LSG1: variants seen among roughly 807,000 people sequenced by gnomAD.
LSG1 encodes large 60S subunit nuclear export GTPase 1.
LSG1 carries 55 observed loss-of-function variants against 82.6 expected under a neutral mutation model. That is an observed-to-expected ratio of 0.67 (90% CI 0.54 to 0.83). LSG1 has a LOEUF of 0.83. LSG1 is among the 40% of genes least tolerant of loss of function. The pLI, the probability that LSG1 is intolerant of heterozygous loss-of-function variation, is 0.00. For synonymous variants in LSG1, 272 were observed against 282.5 expected (o/e 0.96, Z 0.37); for missense variants, 809 against 807.9 (o/e 1.00, Z -0.02).
rs947672339 is a variant in LSG1, at chr3:194,646,461, C to T, written c.1544-218G>A. ...ATCCTAAAAATGCCACCTAGCACCA[C>T]GCTATGAAAGACAAATTCGATTTCT... On this transcript the variant is annotated intron_variant, in intron 11 of 13. Transcript: ENST00000265245. 5 of 408,420 alleles carry T rather than the reference C, an allele frequency of 1.2e-5. No homozygotes were observed. The South Asian group carries it at 1.5e-4, about 12-fold the overall frequency. The allele number at this position is 408,420 out of a possible 1,614,324, so 25.3% of individuals were successfully genotyped here.
intron 13 of LSG1, among the ~76,000 whole-genome samples, chr3:194,643,502 C>T (rs1001055410): frequency 5.3e-5 from 8 of 152,042 alleles, no homozygotes; most frequent in South Asian, 4.2e-4. Flanking sequence ...TAATGCAATA[C>T]GTCACATGTA....
intron 5 of LSG1, 120 bp from the exon 6 acceptor site, chr3:194,660,253 T>A: frequency 1.3e-6 from 1 of 771,878 alleles, no homozygotes; most frequent in South Asian, 1.5e-5. Context: ...ATATATTAAC[T>A]TTTTAAGGTA....
intron 13 of LSG1, among the ~76,000 whole-genome samples, chr3:194,642,595 T>TA (rs533820809): frequency 0.019 from 2,809 of 148,388 alleles, 77 homozygotes; most frequent in African/African-American, 0.064. Context: ...GTTTACTTAG[T>TA]AAAAAAAAAA....
chr3:194,658,398 C>T (rs1311270735), intron 7 of LSG1, among the ~76,000 whole-genome samples: 1 of 152,168 alleles, frequency 6.6e-6, no homozygotes, highest in African/African-American at 2.4e-5. Context: ...CTGCCCCTCT[C>T]GGCTTCCCAA....
chr3:194,671,342 T>A (rs7651926), intron 1 of LSG1, among the ~76,000 whole-genome samples: 4,889 of 152,302 alleles, frequency 0.032, 97 homozygotes, highest in African/African-American at 0.047. Flanking sequence ...CACTCCATGC[T>A]GTTTACTCTG....
chr3:194,659,569 C>T (rs993689929), intron 6 of LSG1, among the ~76,000 whole-genome samples: 12 of 152,104 alleles, frequency 7.9e-5, no homozygotes, highest in African/African-American at 2.7e-4. Flanking sequence ...ACATATTATA[C>T]AATGTTTTGT....
At chr3:194,658,789 A>G (rs932987059) in intron 7 of LSG1, among the ~76,000 whole-genome samples, 168 bp downstream of exon 7, 2 of 152,256 alleles carry the variant, frequency 1.3e-5, no homozygotes, top group African/African-American at 2.4e-5. Flanking sequence ...CCACAGAGAA[A>G]GTAACTTTGT....
intron 5 of LSG1, among the ~76,000 whole-genome samples, chr3:194,661,083 CT>C (rs1181198596): frequency 6.6e-6 from 1 of 152,150 alleles, no homozygotes; most frequent in Non-Finnish European, 1.5e-5. Flanking sequence ...TGCAAATATG[CT>C]AAATTCCAAG....
intron 10 of LSG1, among the ~76,000 whole-genome samples, chr3:194,650,506 T>C (rs1298547636): frequency 6.6e-6 from 1 of 152,232 alleles, no homozygotes; most frequent in Non-Finnish European, 1.5e-5. Context: ...GTATTCAATA[T>C]ATGTTAGCTA....
At chr3:194,651,923 T>G (rs984783050) in intron 8 of LSG1, among the ~76,000 whole-genome samples, 1 of 152,184 alleles carries the variant, frequency 6.6e-6, no homozygotes, top group East Asian at 1.9e-4. Context: ...TTTTAACTAC[T>G]GCACTAAAAT....
In LSG1 at chr3:194,663,763, C is replaced by T. The variant is rs111392344; in HGVS notation, c.521+1794G>A. 4.7e-3 allele frequency among the ~76,000 whole-genome samples: 501 copies of T among 105,566 alleles called. 28 individuals are homozygous for T. Among genetic ancestry groups the T allele is most frequent in the Middle Eastern group, 0.014 (3 of 222 alleles). The allele number at this position is 105,566 out of a possible 152,430, so 69.3% of individuals were successfully genotyped here. A position where few individuals can be genotyped will look rare whatever the true frequency, so the allele number is the denominator to read the frequency against. On this transcript the variant is annotated intron_variant, in intron 5 of 13. Transcript: ENST00000265245. ...CTCAGAGAAAGCCTTTCCCTTCTTC[C>T]GCCTCAGAGAAAGCCTTTCCCTTCT... is the stretch of plus-strand genomic sequence containing the variant.
At position 194,652,711 on chromosome 3, in the gene LSG1, T is replaced by C. The variant is rs1484232969; in HGVS notation, c.1173+18A>G. 6 of 1,601,606 alleles carry C rather than the reference T, an allele frequency of 3.7e-6. No individual in the cohort carries two copies. The highest frequency in any genetic ancestry group is 2.2e-5 in the East Asian group (1 of 44,684). The stretch of plus-strand genomic sequence containing the variant: ...AGACAATCACGTGGTAACAATGTTA[T>C]GACATATGTCATCTTACCAGTCCGA... On this transcript the variant is annotated intron_variant, in intron 8 of 13. Transcript: ENST00000265245.
chr3:194,642,152 G>A lies in LSG1; in HGVS notation c.1893C>T (p.Asn631=), dbSNP rs142378889. 1.7e-4 allele frequency: 282 copies of A among 1,613,864 alleles called. 2 individuals are homozygous for A. The highest frequency in any genetic ancestry group is 9.5e-4 in the African/African-American group (71 of 74,940). Residue 631 remains asparagine, a synonymous_variant, in exon 14 of 14, where the codon AAC becomes AAT. Transcript: ENST00000265245. ...GTTTTTTCCAGGGCTTCCCCGCCCCGTTCTCAGAGCTCGCAGTGGATGCAG... is the reference window on the plus strand; with the variant it reads ...GTTTTTTCCAGGGCTTCCCCGCCCCATTCTCAGAGCTCGCAGTGGATGCAG... The part of the protein sequence containing the change: ...VVTASTASSE[N]GAGKPWKKHG...
chr3:194,648,376 TC>T (rs1267833838), intron 11 of LSG1, among the ~76,000 whole-genome samples: 1 of 152,138 alleles, frequency 6.6e-6, no homozygotes, highest in Non-Finnish European at 1.5e-5. Context: ...TTCATTTTCT[TC>T]CACACATCCG....
intron 1 of LSG1, among the ~76,000 whole-genome samples, 158 bp from the exon 2 acceptor site, chr3:194,670,293 CT>C (rs1445546443): frequency 6.6e-6 from 1 of 152,236 alleles, no homozygotes; most frequent in Non-Finnish European, 1.5e-5. Flanking sequence ...GGAACACGTT[CT>C]TACCTCACAA....
intron 10 of LSG1, among the ~76,000 whole-genome samples, chr3:194,650,103 A>G (rs547378777): frequency 2.8e-4 from 42 of 152,202 alleles, no homozygotes; most frequent in African/African-American, 9.9e-4. Context: ...TATTTTTAGT[A>G]GAGACAGGGT....
In LSG1 at chr3:194,652,790, T is replaced by C. The variant is rs757321903; in HGVS notation, c.1112A>G (p.Glu371Gly). ...SHLVSKQELL[E>G]LFKELHTGRK... ...CCCAGTGTGTAGCTCCTTAAAGAGC[T>C]CCAGTAACTCCTGCTTGGATACCAG... The change falls in exon 8 of 14, where the codon GAG (glutamate) becomes GGG (glycine). Residue 371 changes from glutamate (E) to glycine (G), a missense_variant. By Grantham distance (98) the Glu-to-Gly change is moderately conservative. Transcript: ENST00000265245. 3.1e-6 allele frequency: 5 copies of C among 1,614,182 alleles called. No homozygotes were observed. The highest frequency in any genetic ancestry group is 1.6e-4 in the Middle Eastern group (1 of 6,062).
chr3:194,663,172 T>C (rs1718968512), intron 5 of LSG1, among the ~76,000 whole-genome samples: 1 of 152,202 alleles, frequency 6.6e-6, no homozygotes, highest in Non-Finnish European at 1.5e-5. Flanking sequence ...ACCATTTCTC[T>C]TCGGAAATTA....
chr3:194,651,008 G>A lies in LSG1; in HGVS notation c.1292C>T (p.Pro431Leu). The A allele has an allele frequency of 6.2e-7, 1 of 1,614,126 alleles. No homozygotes were observed. The highest frequency in any genetic ancestry group is 1.7e-5 in the Admixed American group (1 of 60,006). Residue 431 changes from proline (P) to leucine (L), a missense_variant, in exon 10 of 14, where the codon CCT becomes CTT. Pro to Leu is a moderately conservative substitution (Grantham distance 98). Coordinates refer to ENST00000265245, the MANE Select transcript of LSG1 (RefSeq NM_018385.3). ...AGGACAGTCACACAGGCAGAGGCCA[G>A]GCTCCACATAGAGAGTCTGGAAGAC... ...TKHFQTLYVEPGLCLCDCPGL... is the reference protein window; with the variant it reads ...TKHFQTLYVELGLCLCDCPGL...
Sources: gnomAD v4.1 joint callset for allele counts (sites outside exome capture counted in the v4.1 genomes callset) on GRCh38, gnomAD v4.1.1 for gene constraint, MANE v1.5 for transcripts, NCBI Gene and HGNC (gene_info 2026-07-23, HGNC 2026-07-21) for gene names.